Variants in SRGAP2B observed in about 807,000 individuals in gnomAD.
SRGAP2B encodes the protein SLIT-ROBO Rho GTPase activating protein 2B, also known as SLIT-ROBO Rho GTPase-activating protein 2B.
Under a neutral mutation model 22.2 loss-of-function variants are expected in SRGAP2B, and 9 were observed. The ratio of observed to expected loss-of-function variants is 0.41; its 90% CI spans 0.24 to 0.71. SRGAP2B has a LOEUF of 0.71. SRGAP2B is among the 30% of genes least tolerant of loss of function. The probability of loss-of-function intolerance (pLI) is 0.35; values close to 1 mark genes in which losing one functional copy is unlikely to be tolerated. For missense variants in SRGAP2B, 114 were observed against 235.8 expected (o/e 0.48, Z 3.38); for synonymous variants, 36 against 87.4 (o/e 0.41, Z 3.28).
intron 2 of SRGAP2B, among the ~76,000 whole-genome samples, chr1:145,012,843 G>A (rs1672156186): frequency 6.9e-6 from 1 of 145,490 alleles, no homozygotes; most frequent in South Asian, 2.1e-4. Context: ...CCAGTACTTT[G>A]GGAGGCTGAG....
intron 3 of SRGAP2B, among the ~76,000 whole-genome samples, chr1:144,994,589 AG>A (rs1670523981): frequency 2.0e-5 from 3 of 149,116 alleles, no homozygotes; most frequent in Non-Finnish European, 4.4e-5. Flanking sequence ...AGAGAGAGAG[AG>A]AGAGAGAGAG....
intron 3 of SRGAP2B, among the ~76,000 whole-genome samples, chr1:144,987,106 A>G (rs1253721190): frequency 6.6e-6 from 1 of 152,100 alleles, no homozygotes; most frequent in South Asian, 2.1e-4. Flanking sequence ...CAGTCCTCCA[A>G]TCAGAAGAAA....
chr1:144,993,313 G>A (rs1553617793), intron 3 of SRGAP2B, among the ~76,000 whole-genome samples: 1 of 151,064 alleles, frequency 6.6e-6, no homozygotes, highest in African/African-American at 2.5e-5. Flanking sequence ...TATGTTGTGG[G>A]ATCTTGTTAT....
At chr1:144,940,588 C>CA (rs1665954493) in intron 4 of SRGAP2B, among the ~76,000 whole-genome samples, 1 of 140,582 alleles carries the variant, frequency 7.1e-6, no homozygotes, top group Admixed American at 7.0e-5. Flanking sequence ...CACTTGAGTT[C>CA]AGGAGTTCAA....
intron 4 of SRGAP2B, among the ~76,000 whole-genome samples, chr1:144,950,889 C>T (rs189018938): frequency 4.6e-5 from 7 of 150,802 alleles, no homozygotes; most frequent in African/African-American, 1.5e-4. Flanking sequence ...TGCTCTGTTG[C>T]CTAGACTGAA....
chr1:144,905,759 T>C (rs1662942706), intron 6 of SRGAP2B, 100 bp downstream of exon 6: 3 of 708,454 alleles, frequency 4.2e-6, no homozygotes, highest in East Asian at 5.4e-5. Context: ...AACCCAGAGC[T>C]TCCTCGTCTG....
intron 2 of SRGAP2B, among the ~76,000 whole-genome samples, chr1:145,080,553 TTTG>T (rs1487134075): frequency 6.9e-6 from 1 of 145,562 alleles, no homozygotes; most frequent in East Asian, 2.0e-4. Flanking sequence ...CAACATCTTT[TTTG>T]TTGTTTGTTT....
chr1:144,925,702 G>A, intron 4 of SRGAP2B, among the ~76,000 whole-genome samples: 1 of 141,272 alleles, frequency 7.1e-6, no homozygotes, highest in Non-Finnish European at 1.5e-5. Flanking sequence ...GGCAGAGAGA[G>A]AGAGAAAGAG....
rs587749499 is a variant in SRGAP2B at position 145,015,729 on chromosome 1, A to G, written c.68-20529T>C. Among the ~76,000 whole-genome samples, 36 of 125,794 alleles carry G rather than the reference A, an allele frequency of 2.9e-4. 2 individuals are homozygous for G. The highest frequency in any genetic ancestry group is 1.2e-3 in the African/African-American group (36 of 30,834). The allele number at this position is 125,794 out of a possible 152,430, so 82.5% of individuals were successfully genotyped here. ...ACAGAAAAGAAGCTGCATGCAAGGA[A>G]CCGAAATAATCGAAGAAATTCAGGG... is the stretch of plus-strand genomic sequence containing the variant. On this transcript the variant is annotated intron_variant, in intron 2 of 9. Transcript: ENST00000612199.
chr1:145,076,642 G>T (rs1346419220), intron 2 of SRGAP2B, among the ~76,000 whole-genome samples: 2 of 144,266 alleles, frequency 1.4e-5, no homozygotes, highest in African/African-American at 5.6e-5. Flanking sequence ...GTGGTTGCCA[G>T]CAGTTAAGGA....
chr1:144,921,905 AC>A (rs1553604375), intron 4 of SRGAP2B, among the ~76,000 whole-genome samples: 1 of 148,914 alleles, frequency 6.7e-6, no homozygotes, highest in Non-Finnish European at 1.5e-5. Flanking sequence ...AAAAGTGGAA[AC>A]TCCATCAGAG....
At position 145,012,471 on chromosome 1, in the gene SRGAP2B, G is replaced by T. The variant is rs587657746; in HGVS notation, c.68-17271C>A. 3.4e-4 allele frequency among the ~76,000 whole-genome samples: 48 copies of T among 139,314 alleles called. 1 individual carries two copies. Among genetic ancestry groups the T allele is most frequent in the Admixed American group, 7.2e-4 (10 of 13,926 alleles). The allele number at this position is 139,314 out of a possible 152,430, so 91.4% of individuals were successfully genotyped here. A position where few individuals can be genotyped will look rare whatever the true frequency, so the allele number is the denominator to read the frequency against. ...GAAACCCATCAAAAATCAAAGGAGAGATGCATTATCTAGTCACCTCTGCTA... is the reference window on the plus strand; with the variant it reads ...GAAACCCATCAAAAATCAAAGGAGATATGCATTATCTAGTCACCTCTGCTA... On this transcript the variant is annotated intron_variant, in intron 2 of 9. Coordinates refer to ENST00000612199, the Ensembl canonical transcript of SRGAP2B.
chr1:144,940,390 A>G (rs587637759), intron 4 of SRGAP2B, among the ~76,000 whole-genome samples: 7 of 146,788 alleles, frequency 4.8e-5, no homozygotes, highest in Admixed American at 4.1e-4. Flanking sequence ...GAAGTAGGGT[A>G]TTTCCAAATG....
intron 2 of SRGAP2B, among the ~76,000 whole-genome samples, chr1:145,031,779 G>A (rs1204874926): frequency 9.8e-5 from 14 of 143,480 alleles, no homozygotes; most frequent in African/African-American, 2.3e-4. Flanking sequence ...CCCGGGAGGC[G>A]GAGCTTGCAG....
At chr1:144,998,806 G>A (rs2102178203) in intron 2 of SRGAP2B, among the ~76,000 whole-genome samples, 1 of 151,040 alleles carries the variant, frequency 6.6e-6, no homozygotes, top group East Asian at 1.9e-4. Flanking sequence ...GGAAAAATGT[G>A]CTGCCTTAGG....
In SRGAP2B at chr1:144,974,847, G is replaced by A. The variant is rs1437217400; in HGVS notation, c.261-19246C>T. Among the ~76,000 whole-genome samples, 4 of 149,164 alleles carry A rather than the reference G, an allele frequency of 2.7e-5. 1 individual carries two copies. The highest frequency in any genetic ancestry group is 1.0e-4 in the African/African-American group (4 of 39,072). ...CTGGTAAACAGTACAGACAATCATG[G>A]CCTACAGCTGAGCAGATGCTGATGC... is the stretch of plus-strand genomic sequence containing the variant. On this transcript the variant is annotated intron_variant, in intron 3 of 9. Transcript: ENST00000612199.
intron 7 of SRGAP2B, among the ~76,000 whole-genome samples, chr1:144,899,089 TGG>T (rs1662491635): frequency 7.6e-6 from 1 of 132,084 alleles, no homozygotes. Flanking sequence ...TGTATGAGTG[TGG>T]GTGGAGGGGG....
Position 144,992,329 on chromosome 1 carries a change from G to A in SRGAP2B, c.260+2679C>T, listed in dbSNP as rs587634435. Reference sequence around the variant, plus strand: ...GTGAGACCAAGAACCCACCAATTCCGGACACAAGATGACTTGGAGATTAAC... The same window carrying A: ...GTGAGACCAAGAACCCACCAATTCCAGACACAAGATGACTTGGAGATTAAC... On this transcript the variant is annotated intron_variant, in intron 3 of 9. Transcript: ENST00000612199. Among the ~76,000 whole-genome samples, 7 of 150,954 alleles carry A rather than the reference G, an allele frequency of 4.6e-5. 1 individual carries two copies. The highest frequency in any genetic ancestry group is 1.5e-4 in the African/African-American group (6 of 40,388).
chr1:144,979,635 CT>C (rs1224957863), intron 3 of SRGAP2B, among the ~76,000 whole-genome samples: 1 of 149,084 alleles, frequency 6.7e-6, no homozygotes, highest in Admixed American at 6.7e-5. Flanking sequence ...GGGGTAGATC[CT>C]TCATGAATGG....
Sources: allele counts gnomAD v4.1 joint callset (sites outside exome capture counted in the v4.1 genomes callset), GRCh38; gene constraint gnomAD v4.1.1; transcripts MANE v1.5; gene names NCBI Gene and HGNC (gene_info 2026-07-23, HGNC 2026-07-21).